The following RFX8 variants were observed in gnomAD, a reference collection of about 807,000 sequenced individuals.
RFX8 encodes the protein DNA-binding protein RFX8.
In RFX8, 46 loss-of-function variants were observed where a neutral mutation model predicts 54.6. That is an observed-to-expected ratio of 0.84 (90% CI 0.67 to 1.08). The LOEUF is 1.08. Among genes scored for constraint, RFX8 ranks in the 50% least tolerant of loss-of-function variants. The pLI is 0.00. For missense variants in RFX8, 536 were observed against 562.3 expected (o/e 0.95, Z 0.47); for synonymous variants, 192 against 209.5 (o/e 0.92, Z 0.72).
chr2:101,439,534 GTTAA>G (rs1417453212), intron 2 of RFX8, among the ~76,000 whole-genome samples: 7 of 148,918 alleles, frequency 4.7e-5, no homozygotes, highest in African/African-American at 1.7e-4. Flanking sequence ...TCCATTTTGA[GTTAA>G]TTTTCATATA....
rs1685513229 is a variant in RFX8 at position 101,402,710 on chromosome 2, A to G, written c.971T>C (p.Ile324Thr). The G allele has an allele frequency of 1.9e-6, 3 of 1,552,140 alleles. No homozygotes were observed. Among genetic ancestry groups the G allele is most frequent in the Non-Finnish European group, 1.7e-6 (2 of 1,146,826 alleles). The change falls in exon 11 of 12, where the codon ATT becomes ACT. Residue 324 changes from isoleucine (I) to threonine (T), a missense_variant. Coordinates refer to ENST00000428343, the MANE Select transcript of RFX8 (RefSeq NM_001145664.2). Reference protein sequence around the residue: ...LFHLLLLEYMIHILQSCLEEE... With the variant: ...LFHLLLLEYMTHILQSCLEEE... ...CTCTAGGCATGACTGAAGTATATGA[A>G]TCATATATTCCAAAAGCAACAAGTG...
chr2:101,465,615 A>G (rs1019581033), intron 2 of RFX8, among the ~76,000 whole-genome samples: 5 of 152,220 alleles, frequency 3.3e-5, no homozygotes, highest in Non-Finnish European at 7.3e-5. Context: ...AGTTAATTAC[A>G]TGATGATAAC....
intron 2 of RFX8, among the ~76,000 whole-genome samples, chr2:101,442,583 T>A (rs1019214434): frequency 2.0e-5 from 3 of 152,202 alleles, no homozygotes; most frequent in Admixed American, 6.5e-5. Context: ...TCTTGGTGGT[T>A]TCAATGATAA....
rs1406941660 is a variant in RFX8, at chr2:101,422,448, T to C, written c.97A>G (p.Thr33Ala). 3 of 1,548,104 alleles carry C rather than the reference T, an allele frequency of 1.9e-6. No individual in the cohort carries two copies. The change falls in exon 3 of 12, where the codon ACA becomes GCA. Residue 33 changes from threonine (T) to alanine (A), a missense_variant. Transcript: ENST00000428343. ...GACAAAGGGGATCCAACTGGGTCTG[T>C]CTTCATCGGTGAATGATCTTCACAC... ...GKCEDHSPMK[T>A]DPVGSPLSEF...
At chr2:101,422,516 AC>A (rs1473542315) in intron 2 of RFX8, 44 bp from the exon 3 acceptor site, 14 of 1,175,008 alleles carry the variant, frequency 1.2e-5, no homozygotes, top group African/African-American at 1.1e-4. Flanking sequence ...AAAATACAAT[AC>A]TTTTTTTGGC....
intron 3 of RFX8, 132 bp from the exon 4 acceptor site, chr2:101,421,909 C>T (rs1284502432): frequency 4.6e-6 from 3 of 649,184 alleles, no homozygotes; most frequent in Admixed American, 3.3e-5. Context: ...GCGCTCTTCA[C>T]TTGGGCCACA....
At chr2:101,469,026 A>AAG (rs1689755416) in intron 1 of RFX8, among the ~76,000 whole-genome samples, 1 of 60,662 alleles carries the variant, frequency 1.6e-5, no homozygotes, top group Non-Finnish European at 3.6e-5. Context: ...AGGTATATAT[A>AAG]TATACGTATA....
At chr2:101,400,732 G>A (rs866249147) in intron 11 of RFX8, among the ~76,000 whole-genome samples, 12 of 152,192 alleles carry the variant, frequency 7.9e-5, no homozygotes, top group Non-Finnish European at 1.3e-4. Flanking sequence ...GCCGGTGAGC[G>A]CAAAGAATTT....
intron 2 of RFX8, among the ~76,000 whole-genome samples, chr2:101,439,503 G>C (rs1045134863): frequency 1.3e-5 from 2 of 150,906 alleles, no homozygotes; most frequent in African/African-American, 4.9e-5. Flanking sequence ...TTAATATTAT[G>C]TTTTAAATTT....
chr2:101,469,501 T>C (rs1689856679), intron 1 of RFX8, among the ~76,000 whole-genome samples: 1 of 152,048 alleles, frequency 6.6e-6, no homozygotes, highest in Non-Finnish European at 1.5e-5. Flanking sequence ...AAAAACTCAC[T>C]ATTGGAAGTT....
intron 10 of RFX8, among the ~76,000 whole-genome samples, 197 bp from the exon 11 acceptor site, chr2:101,402,949 C>T (rs1373093500): frequency 6.6e-6 from 1 of 152,150 alleles, no homozygotes. Context: ...AGCTTTTGGA[C>T]AGAAAGGACC....
intron 2 of RFX8, among the ~76,000 whole-genome samples, chr2:101,463,971 C>T (rs987746551): frequency 6.6e-6 from 1 of 152,198 alleles, no homozygotes; most frequent in Admixed American, 6.5e-5. Context: ...TTTACAGTGA[C>T]AACAAGACTT....
intron 11 of RFX8, among the ~76,000 whole-genome samples, chr2:101,401,437 T>A (rs1391803994): frequency 6.6e-6 from 1 of 152,150 alleles, no homozygotes; most frequent in Non-Finnish European, 1.5e-5. Flanking sequence ...ATGAAGAGTT[T>A]TAGGCTGTGA....
intron 2 of RFX8, among the ~76,000 whole-genome samples, chr2:101,457,452 C>T (rs751098092): frequency 2.6e-5 from 4 of 152,180 alleles, no homozygotes; most frequent in Non-Finnish European, 5.9e-5. Context: ...TTTCTGCCTT[C>T]ATTTTTTTAT....
intron 10 of RFX8, among the ~76,000 whole-genome samples, chr2:101,404,859 A>G (rs572807432): frequency 2.0e-4 from 31 of 152,334 alleles, no homozygotes; most frequent in African/African-American, 7.5e-4. Flanking sequence ...TGTCACCTAT[A>G]TGGCAGCTGA....
chr2:101,468,994 ATATATATACGTATATATATATAGG>A (rs1558896025), intron 1 of RFX8, among the ~76,000 whole-genome samples: 76 of 32,520 alleles, frequency 2.3e-3, no homozygotes, highest in African/African-American at 3.9e-3. Flanking sequence ...ATATATAAGT[ATATATATACGTATATATATATAGG>A]TATATATATA....
At chr2:101,462,806 GCTAT>G (rs1246404165) in intron 2 of RFX8, among the ~76,000 whole-genome samples, 24 of 152,104 alleles carry the variant, frequency 1.6e-4, no homozygotes, top group Admixed American at 1.4e-3. Context: ...TTACCTGATG[GCTAT>G]CTGTCTGTCT....
intron 1 of RFX8, chr2:101,474,233 T>A: frequency 1.7e-6 from 1 of 592,462 alleles, no homozygotes; most frequent in East Asian, 3.7e-5. Flanking sequence ...GGGCCCCGGC[T>A]ACCCTCGCCG....
chr2:101,447,792 C>G (rs4851445), intron 2 of RFX8, among the ~76,000 whole-genome samples: 1 of 152,054 alleles, frequency 6.6e-6, no homozygotes, highest in African/African-American at 2.4e-5. Context: ...CCTCTGGTAA[C>G]CACTATTCTA....
Sources: gnomAD v4.1 joint callset for allele counts (sites outside exome capture counted in the v4.1 genomes callset) on GRCh38, gnomAD v4.1.1 for gene constraint, MANE v1.5 for transcripts, NCBI Gene and HGNC (gene_info 2026-07-23, HGNC 2026-07-21) for gene names.